The following ILDR1 variants were observed in gnomAD, a reference collection of about 807,000 sequenced individuals.
The protein encoded by ILDR1 is immunoglobulin-like domain-containing receptor 1.
Under a neutral mutation model 62.4 loss-of-function variants are expected in ILDR1, and 56 were observed. The observed-to-expected ratio is 0.90, with a 90% CI of 0.72 to 1.12. The LOEUF is 1.12. Ranked by LOEUF, ILDR1 falls within the 50% of genes most tolerant of loss-of-function variation. ILDR1 has a pLI of 0.00. For missense variants in ILDR1, 736 were observed against 710.6 expected (o/e 1.04, Z -0.41); for synonymous variants, 284 against 277.8 (o/e 1.02, Z -0.22).
chr3:121,993,662 C>T lies in ILDR1; in HGVS notation c.1087G>A (p.Asp363Asn), dbSNP rs751310993. 4.3e-6 allele frequency: 7 copies of T among 1,614,094 alleles called. No homozygotes were observed. Among genetic ancestry groups the T allele is most frequent in the African/African-American group, 4.0e-5 (3 of 74,936 alleles). Residue 363 changes from aspartate (D) to asparagine (N), a missense_variant, in exon 7 of 8, where the codon GAT becomes AAT. Coordinates refer to ENST00000344209, the MANE Select transcript of ILDR1 (RefSeq NM_001199799.2). Reference protein sequence around the residue: ...WLTPIPSRPWDLREGRSHHHY... With the variant: ...WLTPIPSRPWNLREGRSHHHY... ...TGGTGGCTTCTCCCCTCCCTCAGAT[C>T]CCAGGGCCTGGAGGGAATTGGGGTG...
the ILDR1 span, among the ~76,000 whole-genome samples, chr3:122,041,650 T>C: frequency 1.3e-5 from 2 of 152,320 alleles, no homozygotes; most frequent in Admixed American, 6.5e-5. Flanking sequence ...TCCTAAGTTT[T>C]TAAGAAATTT....
At position 122,019,576 on chromosome 3, in the gene ILDR1, G is replaced by A. The variant is rs188800692; in HGVS notation, c.58+2444C>T. ...GGTGGGGGAGTAGAGAAGGACTTAT[G>A]CCCAGTATTTCCTGAGTGAAGACCA... On this transcript the variant is annotated intron_variant, in intron 1 of 7. Coordinates refer to ENST00000344209, the MANE Select transcript of ILDR1 (RefSeq NM_001199799.2). 5.9e-5 allele frequency among the ~76,000 whole-genome samples: 9 copies of A among 152,230 alleles called. No individual in the cohort carries two copies. In the East Asian group the frequency reaches 1.7e-3, roughly 29 times the overall value.
upstream of ILDR1, among the ~76,000 whole-genome samples, chr3:122,022,930 T>C (rs2071886033): frequency 1.3e-5 from 2 of 148,490 alleles, no homozygotes; most frequent in Non-Finnish European, 3.0e-5. Flanking sequence ...AATAAATAAA[T>C]AAATAAATAA....
chr3:121,997,638 C>G (rs779875042), intron 5 of ILDR1, among the ~76,000 whole-genome samples: 1 of 152,152 alleles, frequency 6.6e-6, no homozygotes, highest in African/African-American at 2.4e-5. Context: ...GTGGAAAAAT[C>G]TCCCTCGACT....
chr3:122,023,183 G>T (rs959932180), upstream of ILDR1, among the ~76,000 whole-genome samples: 2 of 151,092 alleles, frequency 1.3e-5, no homozygotes, highest in African/African-American at 4.9e-5. Context: ...AATATTATAA[G>T]TAGGTACATA....
In ILDR1 at chr3:122,022,159, C is replaced by A; in HGVS notation, c.-82G>T. 8.1e-7 allele frequency: 1 copy of A among 1,227,450 alleles called. No individual in the cohort carries two copies. Among genetic ancestry groups the A allele is most frequent in the Non-Finnish European group, 1.2e-6 (1 of 864,988 alleles). 76.0% of individuals were successfully genotyped at this position (1,227,450 alleles called of 1,614,324 possible). On this transcript the variant is annotated 5_prime_UTR_variant, in exon 1 of 8. Coordinates refer to ENST00000344209, the MANE Select transcript of ILDR1 (RefSeq NM_001199799.2). ...TCCTCAGCTGCCGCCCCAGGACGCA[C>A]CACCTTCTCCAAGGAACCCCTCGGG...
chr3:122,008,443 C>T (rs552823672), intron 1 of ILDR1, among the ~76,000 whole-genome samples: 2 of 152,246 alleles, frequency 1.3e-5, no homozygotes, highest in South Asian at 4.1e-4. Flanking sequence ...GTGTGGAGCA[C>T]TAGTACTCAA....
the ILDR1 span, among the ~76,000 whole-genome samples, chr3:122,027,936 T>A: frequency 6.6e-6 from 1 of 152,200 alleles, no homozygotes; most frequent in Admixed American, 6.5e-5. Flanking sequence ...GACAGTCTCA[T>A]GGGGCTGAAC....
chr3:122,040,315 A>C, the ILDR1 span, among the ~76,000 whole-genome samples: 5 of 152,158 alleles, frequency 3.3e-5, no homozygotes, highest in African/African-American at 1.2e-4. Context: ...AAAATTGAAA[A>C]ATTTTATTTC....
At chr3:122,020,700 A>G (rs1021784640) in intron 1 of ILDR1, among the ~76,000 whole-genome samples, 6 of 152,164 alleles carry the variant, frequency 3.9e-5, no homozygotes, top group Non-Finnish European at 5.9e-5. Context: ...AAGCTGTGGG[A>G]TTTTTATAAA....
At chr3:122,053,199 C>A in the ILDR1 span, among the ~76,000 whole-genome samples, 2 of 152,144 alleles carry the variant, frequency 1.3e-5, no homozygotes, top group Non-Finnish European at 2.9e-5. Flanking sequence ...TTTGCATTTC[C>A]CTAATGACTA....
At chr3:122,011,202 A>T (rs11929235) in intron 1 of ILDR1, among the ~76,000 whole-genome samples, 101,769 of 152,058 alleles carry the variant, frequency 0.67, 34,724 homozygotes, top group Admixed American at 0.76. Context: ...TAGCAGTTTA[A>T]TCAACACTCT....
chr3:122,032,759 A>G, the ILDR1 span, among the ~76,000 whole-genome samples: 2 of 152,238 alleles, frequency 1.3e-5, no homozygotes, highest in Non-Finnish European at 2.9e-5. Context: ...AGTACTATGG[A>G]AAGTCCACAT....
chr3:122,001,161 G>T, intron 5 of ILDR1, 147 bp downstream of exon 5: 2 of 940,864 alleles, frequency 2.1e-6, no homozygotes, highest in Non-Finnish European at 3.3e-6. Context: ...CATTTTCAGG[G>T]CTGAGGCTAA....
chr3:121,988,431 C>A lies in ILDR1; in HGVS notation c.1600-23G>T, dbSNP rs757644497. 25 of 1,607,188 alleles carry A rather than the reference C, an allele frequency of 1.6e-5. No homozygotes were observed. In the Middle Eastern group the frequency reaches 4.9e-4, roughly 32 times the overall value. On this transcript the variant is annotated intron_variant, in intron 7 of 7. Transcript: ENST00000344209. ...CTCCTGGGAAATAGAAGAATACACA[C>A]ACAAAAAAAATCCAGTCAGTGCAAT...
the ILDR1 span, among the ~76,000 whole-genome samples, chr3:122,048,146 G>T: frequency 5.3e-5 from 8 of 152,134 alleles, no homozygotes; most frequent in Non-Finnish European, 1.0e-4. Flanking sequence ...TTCCTAGTTT[G>T]TTGAGGGTTT....
chr3:122,048,543 T>A, the ILDR1 span, among the ~76,000 whole-genome samples: 1 of 152,224 alleles, frequency 6.6e-6, no homozygotes, highest in Non-Finnish European at 1.5e-5. Context: ...ACCAGTGAAG[T>A]CATCTGGTCT....
At chr3:122,059,209 G>A in the ILDR1 span, among the ~76,000 whole-genome samples, 1 of 152,142 alleles carries the variant, frequency 6.6e-6, no homozygotes, top group African/African-American at 2.4e-5. Flanking sequence ...GCATAAGTAT[G>A]GTTGACAGTT....
intron 1 of ILDR1, among the ~76,000 whole-genome samples, chr3:122,017,636 C>G (rs949220601): frequency 6.6e-6 from 1 of 152,180 alleles, no homozygotes; most frequent in African/African-American, 2.4e-5. Context: ...ATTTTGCAAT[C>G]TATCCATCTG....
Sources: allele counts gnomAD v4.1 joint callset (sites outside exome capture counted in the v4.1 genomes callset), GRCh38; gene constraint gnomAD v4.1.1; transcripts MANE v1.5; gene names NCBI Gene and HGNC (gene_info 2026-07-23, HGNC 2026-07-21).